RBM20: variants seen among roughly 807,000 people sequenced by gnomAD.
RBM20 encodes RNA binding motif protein 20, also known as RNA-binding protein 20.
In RBM20, 51 loss-of-function variants were observed where a neutral mutation model predicts 110.1. The ratio of observed to expected loss-of-function variants is 0.46; its 90% CI spans 0.37 to 0.59. The LOEUF is 0.59. RBM20 is among the 20% of genes least tolerant of loss of function. RBM20 has a pLI of 0.00. For missense variants in RBM20, 1,512 were observed against 1,574.9 expected (o/e 0.96, Z 0.68); for synonymous variants, 589 against 618.2 (o/e 0.95, Z 0.70).
At chr10:110,825,620 G>A (rs1243122286) in intron 12 of RBM20, among the ~76,000 whole-genome samples, 1 of 152,172 alleles carries the variant, frequency 6.6e-6, no homozygotes, top group East Asian at 1.9e-4. Flanking sequence ...CTTCATGTCA[G>A]TACATAGAGA....
In RBM20 at chr10:110,820,136, A is replaced by G; in HGVS notation, c.2615A>G (p.Glu872Gly). The change falls in exon 10 of 14, where the codon GAA becomes GGA. Residue 872 changes from glutamate to glycine, a missense_variant. Glu to Gly is a moderately conservative substitution (Grantham distance 98, BLOSUM62 -2). Coordinates refer to ENST00000369519, the MANE Select transcript of RBM20 (RefSeq NM_001134363.3). ...SPQSVGRQEK[E>G]AEFSDPENTR... ...CAATCAGTGGGCAGACAGGAGAAAG[A>G]AGCAGAGTTCTCTGATCCGGAAAAC... 6.4e-7 allele frequency: 1 copy of G among 1,551,640 alleles called. No individual in the cohort carries two copies. The highest frequency in any genetic ancestry group is 8.7e-7 in the Non-Finnish European group (1 of 1,146,894).
chr10:110,654,229 A>G (rs879767796), intron 1 of RBM20, among the ~76,000 whole-genome samples: 5 of 152,208 alleles, frequency 3.3e-5, no homozygotes, highest in Non-Finnish European at 5.9e-5. Flanking sequence ...ATCACTTTAG[A>G]ATGCATGAGT....
intron 1 of RBM20, among the ~76,000 whole-genome samples, chr10:110,744,060 G>C (rs1465805456): frequency 5.3e-5 from 8 of 152,180 alleles, no homozygotes; most frequent in Admixed American, 2.6e-4. Flanking sequence ...ACAGTGACAG[G>C]GTGGTGTCAC....
At chr10:110,646,125 C>A (rs147760047) in intron 1 of RBM20, among the ~76,000 whole-genome samples, 5 of 152,104 alleles carry the variant, frequency 3.3e-5, no homozygotes, top group Admixed American at 6.5e-5. Context: ...CAGTGTCTTG[C>A]GGCTTGAAAT....
At chr10:110,756,127 G>C (rs12245765) in intron 1 of RBM20, among the ~76,000 whole-genome samples, 1 of 152,174 alleles carries the variant, frequency 6.6e-6, no homozygotes, top group Non-Finnish European at 1.5e-5. Context: ...CCATCTTTGG[G>C]CTCCCCTCAA....
intron 1 of RBM20, among the ~76,000 whole-genome samples, chr10:110,678,758 G>A (rs1862379114): frequency 6.6e-6 from 1 of 152,190 alleles, no homozygotes; most frequent in African/African-American, 2.4e-5. Context: ...ATAGGAGAAT[G>A]TTTGGTGGTA....
At chr10:110,828,997 C>T (rs939619769) in intron 12 of RBM20, among the ~76,000 whole-genome samples, 1 of 152,164 alleles carries the variant, frequency 6.6e-6, no homozygotes, top group African/African-American at 2.4e-5. Flanking sequence ...TGTACCCCTT[C>T]TGGGGATCCC....
intron 1 of RBM20, among the ~76,000 whole-genome samples, chr10:110,712,903 C>G (rs770290529): frequency 2.6e-5 from 4 of 152,254 alleles, no homozygotes; most frequent in Non-Finnish European, 4.4e-5. Flanking sequence ...GATTCCCCAA[C>G]ACATCTATTA....
At chr10:110,689,251 G>A (rs11195264) in intron 1 of RBM20, among the ~76,000 whole-genome samples, 26,629 of 152,212 alleles carry the variant, frequency 0.17, 2,578 homozygotes, top group East Asian at 0.31. Context: ...AGCACGTGCT[G>A]ACTGGGGCCT....
chr10:110,782,810 G>A (rs1844371320), intron 2 of RBM20, among the ~76,000 whole-genome samples: 1 of 152,130 alleles, frequency 6.6e-6, no homozygotes, highest in South Asian at 2.1e-4. Context: ...TCACACTGCA[G>A]CATGTCATTC....
At chr10:110,748,475 T>C (rs1843811383) in intron 1 of RBM20, among the ~76,000 whole-genome samples, 1 of 151,984 alleles carries the variant, frequency 6.6e-6, no homozygotes, top group Admixed American at 6.6e-5. Flanking sequence ...GTGTGTACCA[T>C]GGTTGTGTCT....
At position 110,821,583 on chromosome 10, in the gene RBM20, C is replaced by G; in HGVS notation, c.2964C>G (p.Ser988=). Residue 988 remains serine (S), a synonymous_variant, in exon 11 of 14, where the codon TCC becomes TCG. Transcript: ENST00000369519. ...CACCCAGAGAACTGCCCTCTGCTTC[C>G]ACAAGCTGTCCCAGTGACATGGACG... ...LKSPRELPSA[S]TSCPSDMDVE... is the part of the protein sequence containing the mutation. The G allele has an allele frequency of 6.4e-7, 1 of 1,550,790 alleles. No individual in the cohort carries two copies. The highest frequency in any genetic ancestry group is 8.7e-7 in the Non-Finnish European group (1 of 1,146,014).
chr10:110,648,947 G>A (rs986240674), intron 1 of RBM20, among the ~76,000 whole-genome samples: 11 of 152,184 alleles, frequency 7.2e-5, no homozygotes, highest in African/African-American at 2.7e-4. Context: ...TGCATATGGT[G>A]CACACAGAGC....
intron 1 of RBM20, among the ~76,000 whole-genome samples, chr10:110,656,304 A>C (rs369541031): frequency 6.6e-6 from 1 of 152,142 alleles, no homozygotes. Context: ...GCAAAACTCC[A>C]TCTCGAAAAA....
In RBM20 at chr10:110,835,013, G is replaced by T. The variant is rs140065457; in HGVS notation, c.3574-855G>T. The stretch of plus-strand genomic sequence containing the variant: ...TTAAATCCATCAAAAGACCTCCAAG[G>T]CTCCCCACCCACTAGCCTGCCCTGA... On this transcript the variant is annotated intron_variant, in intron 13 of 13. Coordinates refer to ENST00000369519, the MANE Select transcript of RBM20 (RefSeq NM_001134363.3). 7.7e-3 allele frequency among the ~76,000 whole-genome samples: 1,173 copies of T among 152,256 alleles called. 5 individuals are homozygous for T. Among genetic ancestry groups the T allele is most frequent in the Non-Finnish European group, 0.011 (759 of 68,018 alleles).
chr10:110,692,825 T>C (rs1412056106), intron 1 of RBM20, among the ~76,000 whole-genome samples: 1 of 152,144 alleles, frequency 6.6e-6, no homozygotes, highest in Non-Finnish European at 1.5e-5. Context: ...GCTTCTGGTA[T>C]TAGGAGAAAA....
intron 5 of RBM20, 53 bp from the exon 6 acceptor site, chr10:110,797,455 G>A: frequency 2.0e-6 from 3 of 1,472,446 alleles, no homozygotes; most frequent in Non-Finnish European, 2.7e-6. Flanking sequence ...CTGGAAGAGA[G>A]GGGAAAAGGG....
intron 1 of RBM20, among the ~76,000 whole-genome samples, chr10:110,672,739 G>T (rs562536349): frequency 5.9e-5 from 9 of 152,346 alleles, no homozygotes; most frequent in Middle Eastern, 3.4e-3. Flanking sequence ...CAGAGTGCTA[G>T]GTTGTACCGT....
chr10:110,644,216 G>A (rs535032806), upstream of RBM20, among the ~76,000 whole-genome samples: 611 of 152,224 alleles, frequency 4.0e-3, 4 homozygotes, highest in African/African-American at 0.014. The surrounding 1 kb of genome is among the most constrained non-coding windows in gnomAD (Gnocchi z 4.3). Flanking sequence ...AGCAGCTCCC[G>A]CCGGTCGGGA....
Sources: gnomAD v4.1 joint callset for allele counts (sites outside exome capture counted in the v4.1 genomes callset) on GRCh38, gnomAD v4.1.1 for gene constraint, Gnocchi (gnomAD v3.1) non-coding constraint, MANE v1.5 for transcripts, NCBI Gene and HGNC (gene_info 2026-07-23, HGNC 2026-07-21) for gene names.